BIRC2: variants seen among roughly 807,000 people sequenced by gnomAD.
BIRC2 encodes baculoviral IAP repeat-containing protein 2.
A neutral mutation model predicts 60.9 loss-of-function variants in BIRC2; 18 were observed. That is an observed-to-expected ratio of 0.30 (90% CI 0.20 to 0.44). The LOEUF is 0.44. BIRC2 is among the 20% of genes least tolerant of loss of function. The pLI is 1.00. For missense variants in BIRC2, 701 were observed against 728.5 expected (o/e 0.96, Z 0.43); for synonymous variants, 282 against 247.7 (o/e 1.14, Z -1.30).
chr11:102,359,814 GTCT>G (rs1390193440), intron 3 of BIRC2, among the ~76,000 whole-genome samples: 3 of 152,000 alleles, frequency 2.0e-5, no homozygotes, highest in African/African-American at 7.2e-5. Flanking sequence ...TGTCAGTGAA[GTCT>G]TCTTTGGGTT....
Position 102,350,168 on chromosome 11 carries a change from A to G in BIRC2, c.314A>G (p.Gln105Arg). 6.2e-7 allele frequency: 1 copy of G among 1,614,234 alleles called. No individual in the cohort carries two copies. Among genetic ancestry groups the G allele is most frequent in the Non-Finnish European group, 8.5e-7 (1 of 1,180,040 alleles). The change falls in exon 2 of 9, where the codon CAG becomes CGG. Residue 105 changes from glutamine to arginine, a missense_variant. By Grantham distance (43) the Gln-to-Arg change is conservative (BLOSUM62 1). This residue lies in a region of BIRC2 where 375 missense variants were observed against 365.9 expected (regional missense o/e 1.02). Transcript: ENST00000227758. The part of the protein sequence containing the change: ...LGDSPIQKHK[Q>R]LYPSCSFIQN... ...GACAGTCCTATTCAAAAGCATAAACAGCTATATCCTAGCTGTAGCTTTATT... is the reference window on the plus strand; with the variant it reads ...GACAGTCCTATTCAAAAGCATAAACGGCTATATCCTAGCTGTAGCTTTATT...
chr11:102,378,018 G>T lies in BIRC2; in HGVS notation c.1692G>T (p.Arg564Ser), dbSNP rs1951734511. 1 of 1,610,996 alleles carries T rather than the reference G, an allele frequency of 6.2e-7. No individual in the cohort carries two copies. The highest frequency in any genetic ancestry group is 1.3e-5 in the African/African-American group (1 of 74,756). Reference protein sequence around the residue: ...SGLSLEEQLRRLQEERTCKVC... With the variant: ...SGLSLEEQLRSLQEERTCKVC... The stretch of plus-strand genomic sequence containing the variant: ...TGTCACTGGAAGAACAATTGAGGAG[G>T]TTGCAAGAAGAACGAACTTGTAAAG... The change falls in exon 9 of 9, where the codon AGG becomes AGT. Residue 564 changes from arginine to serine, a missense_variant. Arg to Ser is a moderately radical substitution (Grantham distance 110). Coordinates refer to ENST00000227758, the MANE Select transcript of BIRC2 (RefSeq NM_001166.5).
At chr11:102,361,683 T>C (rs1371930498) in intron 3 of BIRC2, among the ~76,000 whole-genome samples, 1 of 152,128 alleles carries the variant, frequency 6.6e-6, no homozygotes, top group Admixed American at 6.5e-5. Context: ...TCCAGGGACC[T>C]GCTCTGGGGA....
intron 3 of BIRC2, among the ~76,000 whole-genome samples, chr11:102,359,587 C>A (rs1033994225): frequency 6.6e-6 from 1 of 152,146 alleles, no homozygotes; most frequent in Admixed American, 6.5e-5. Context: ...TCTTTCATTT[C>A]TGAAGGACAG....
At chr11:102,372,457 G>A (rs1951644441) in intron 6 of BIRC2, among the ~76,000 whole-genome samples, 1 of 152,312 alleles carries the variant, frequency 6.6e-6, no homozygotes, top group South Asian at 2.1e-4. Context: ...AGGTTGTTCA[G>A]TGTCCATGTA....
In BIRC2 at chr11:102,350,589, C is replaced by G. The variant is rs754202179; in HGVS notation, c.735C>G (p.Pro245=). ...DAMSEHRRHF[P]NCPFLENSLE... ...TGTCAGAACACCGGAGGCATTTTCC[C>G]AACTGTCCATTTTTGGAAAATTCTC... Residue 245 remains proline (P), a synonymous_variant, in exon 2 of 9, where the codon CCC becomes CCG. Coordinates refer to ENST00000227758, the MANE Select transcript of BIRC2 (RefSeq NM_001166.5). The G allele has an allele frequency of 1.3e-5, 21 of 1,614,134 alleles. No individual in the cohort carries two copies. Among genetic ancestry groups the G allele is most frequent in the Non-Finnish European group, 1.7e-5 (20 of 1,180,014 alleles).
Position 102,350,487 on chromosome 11 carries a change from T to C in BIRC2, c.633T>C (p.Tyr211=), listed in dbSNP as rs756595133. ...AATTGGCAAGAGCTGGTTTTTATTA[T>C]ATAGGACCTGGAGATAGGGTAGCCT... ...PSELARAGFY[Y]IGPGDRVACF... is the part of the protein sequence containing the mutation. The change falls in exon 2 of 9, where the codon TAT becomes TAC. Residue 211 remains tyrosine, a synonymous_variant. Coordinates refer to ENST00000227758, the MANE Select transcript of BIRC2 (RefSeq NM_001166.5). 1.2e-6 allele frequency: 2 copies of C among 1,614,186 alleles called. No individual in the cohort carries two copies. The highest frequency in any genetic ancestry group is 2.2e-5 in the East Asian group (1 of 44,880).
chr11:102,362,695 C>A (rs781594536), intron 3 of BIRC2: 61 of 407,472 alleles, frequency 1.5e-4, no homozygotes, highest in East Asian at 2.3e-4. Context: ...TTAGAAAATA[C>A]CGTGATATAT....
chr11:102,360,511 G>A (rs1450896768), intron 3 of BIRC2, among the ~76,000 whole-genome samples: 4 of 151,166 alleles, frequency 2.6e-5, no homozygotes, highest in African/African-American at 9.8e-5. Context: ...TCTCTGTGTT[G>A]AATTTCTCAT....
chr11:102,367,440 T>C (rs1951566078), intron 5 of BIRC2, among the ~76,000 whole-genome samples: 1 of 152,202 alleles, frequency 6.6e-6, no homozygotes, highest in Non-Finnish European at 1.5e-5. Context: ...TTTAAATCTT[T>C]GTTCTGGTGC....
chr11:102,357,714 T>C (rs1244677358), intron 3 of BIRC2, among the ~76,000 whole-genome samples: 1 of 152,148 alleles, frequency 6.6e-6, no homozygotes, highest in Non-Finnish European at 1.5e-5. Flanking sequence ...ATTTTACTTA[T>C]CTTTTCAAAA....
chr11:102,357,993 T>C (rs1048370446), intron 3 of BIRC2, among the ~76,000 whole-genome samples: 2 of 152,196 alleles, frequency 1.3e-5, no homozygotes, highest in Admixed American at 6.5e-5. Flanking sequence ...CTTTGACCCA[T>C]TGATTATTCA....
intron 3 of BIRC2, among the ~76,000 whole-genome samples, chr11:102,353,656 C>CCAT (rs146731286): frequency 0.019 from 2,858 of 151,028 alleles, 36 homozygotes; most frequent in Non-Finnish European, 0.029. Context: ...CTCAGTAAAT[C>CCAT]CATCACCTTA....
Position 102,350,650 on chromosome 11 carries a change from A to T in BIRC2, c.796A>T (p.Met266Leu). 2 of 1,614,056 alleles carry T rather than the reference A, an allele frequency of 1.2e-6. No homozygotes were observed. Among genetic ancestry groups the T allele is most frequent in the Non-Finnish European group, 1.7e-6 (2 of 1,180,040 alleles). The change falls in exon 2 of 9, where the codon ATG becomes TTG. Residue 266 changes from methionine (M) to leucine (L), a missense_variant. By Grantham distance (15) the Met-to-Leu change is conservative (BLOSUM62 2). This residue lies in a region of BIRC2 where 375 missense variants were observed against 365.9 expected (regional missense o/e 1.02). Transcript: ENST00000227758. Reference sequence around the variant, plus strand: ...GAGGTTTAGCATTTCAAATCTGAGCATGCAGACACATGCAGCTCGAATGAG... The same window carrying T: ...GAGGTTTAGCATTTCAAATCTGAGCTTGCAGACACATGCAGCTCGAATGAG... ...TLRFSISNLS[M>L]QTHAARMRTF...
In BIRC2 at chr11:102,372,222, G is replaced by T. The variant is rs562726831; in HGVS notation, c.1366+3674G>T. Among the ~76,000 whole-genome samples, 5 of 152,244 alleles carry T rather than the reference G, an allele frequency of 3.3e-5. No individual in the cohort carries two copies. In the East Asian group the frequency reaches 9.6e-4, roughly 29 times the overall value. On this transcript the variant is annotated intron_variant, in intron 6 of 8. Coordinates refer to ENST00000227758, the MANE Select transcript of BIRC2 (RefSeq NM_001166.5). ...CTGCCTTCTGCTAGCTTTTGAATGT[G>T]TTTGCTCTTGCTTCTCTAGTTCTTT...
Position 102,368,294 on chromosome 11 carries a change from C to T in BIRC2, c.1124-12C>T, listed in dbSNP as rs1951576573. 1 of 1,605,178 alleles carries T rather than the reference C, an allele frequency of 6.2e-7. No homozygotes were observed. Among genetic ancestry groups the T allele is most frequent in the Non-Finnish European group, 8.5e-7 (1 of 1,175,586 alleles). On this transcript the variant is annotated splice_polypyrimidine_tract_variant and intron_variant, in intron 5 of 8. Coordinates refer to ENST00000227758, the MANE Select transcript of BIRC2 (RefSeq NM_001166.5). ...TGTGGAATTTAATATTAGCATGTTT[C>T]TTTTCAAATAGTTATTCATTTTGGA...
At chr11:102,374,533 C>T (rs1226758318) in intron 6 of BIRC2, among the ~76,000 whole-genome samples, 1 of 151,002 alleles carries the variant, frequency 6.6e-6, no homozygotes, top group Non-Finnish European at 1.5e-5. Flanking sequence ...GTTCTCAGAT[C>T]TCCAGCTGCG....
chr11:102,363,386 G>A (rs1951507039), intron 4 of BIRC2, among the ~76,000 whole-genome samples: 1 of 152,168 alleles, frequency 6.6e-6, no homozygotes, highest in Non-Finnish European at 1.5e-5. Context: ...CCCTTGGAGA[G>A]TAACCCAGTT....
intron 5 of BIRC2, among the ~76,000 whole-genome samples, chr11:102,366,847 A>G (rs934846937): frequency 3.9e-5 from 6 of 152,190 alleles, no homozygotes; most frequent in African/African-American, 4.8e-5. Context: ...AGAATATTCT[A>G]CCAAACTTAG....
Sources: allele counts gnomAD v4.1 joint callset (sites outside exome capture counted in the v4.1 genomes callset), GRCh38; gene constraint gnomAD v4.1.1; regional missense constraint gnomAD v4.1.1; transcripts MANE v1.5; gene names NCBI Gene and HGNC (gene_info 2026-07-23, HGNC 2026-07-21).